The following PTPRF variants were observed in gnomAD, a reference collection of about 807,000 sequenced individuals.
PTPRF encodes the protein receptor-type tyrosine-protein phosphatase F.
In PTPRF, 59 loss-of-function variants were observed where a neutral mutation model predicts 201.8. The ratio of observed to expected loss-of-function variants is 0.29; its 90% CI spans 0.24 to 0.36. The LOEUF is 0.36. Ranked by LOEUF, PTPRF falls within the 10% of genes least tolerant of loss-of-function variation. The pLI is 1.00. For missense variants in PTPRF, 2,132 were observed against 2,690.5 expected, an observed-to-expected ratio of 0.79 and a Z score of 4.59; for synonymous variants, 1,088 against 1,089.7, an observed-to-expected ratio of 1.00 and a Z score of 0.03.
rs374873502 is a variant in PTPRF at position 43,605,334 on chromosome 1, C to A, written c.3280C>A (p.Arg1094Ser). The A allele has an allele frequency of 6.2e-7, 1 of 1,613,692 alleles. No homozygotes were observed. The highest frequency in any genetic ancestry group is 8.5e-7 in the Non-Finnish European group (1 of 1,179,970). ...AGGLQHLVSIRTAPDLLPHKP... is the reference protein window; with the variant it reads ...AGGLQHLVSISTAPDLLPHKP... ...GGGCCTGCAGCACCTGGTGTCCATC[C>A]GCACAGCCCCCGACCTCCTGCCTCA... The change falls in exon 18 of 34, where the codon CGC (arginine) becomes AGC (serine). Residue 1094 changes from arginine to serine, a missense_variant. Arg to Ser is a moderately radical substitution (Grantham distance 110). Transcript: ENST00000359947.
At chr1:43,584,661 G>C (rs1351303530) in intron 7 of PTPRF, among the ~76,000 whole-genome samples, 1 of 152,096 alleles carries the variant, frequency 6.6e-6, no homozygotes, top group Non-Finnish European at 1.5e-5. Flanking sequence ...CTGGTAATTT[G>C]TTTGGTGCTG....
At chr1:43,574,394 A>G (rs888296391) in intron 6 of PTPRF, among the ~76,000 whole-genome samples, 1 of 152,134 alleles carries the variant, frequency 6.6e-6, no homozygotes, top group Admixed American at 6.5e-5. Flanking sequence ...ATAAAAACCT[A>G]TTATATATTA....
intron 5 of PTPRF, among the ~76,000 whole-genome samples, chr1:43,566,135 C>T (rs903917532): frequency 6.6e-6 from 1 of 152,100 alleles, no homozygotes; most frequent in Non-Finnish European, 1.5e-5. Flanking sequence ...CCGGCCGAGG[C>T]GTGGTGTGGG....
At chr1:43,607,005 TGCCCCTC>T (rs764174223) in intron 21 of PTPRF, 37 bp downstream of exon 21, 1 of 1,606,488 alleles carries the variant, frequency 6.2e-7, no homozygotes, top group Non-Finnish European at 8.5e-7. Context: ...AACGGCCACC[TGCCCCTC>T]GCCTTTCAGG....
rs1028775294 is a variant in PTPRF at position 43,542,598 on chromosome 1, G to C, written c.-45-2433G>C. Among the ~76,000 whole-genome samples, 1 of 152,106 alleles carries C rather than the reference G, an allele frequency of 6.6e-6. No individual in the cohort carries two copies. Among genetic ancestry groups the C allele is most frequent in the African/African-American group, 2.4e-5 (1 of 41,396 alleles). On this transcript the variant is annotated intron_variant, in intron 2 of 33. Coordinates refer to ENST00000359947, the MANE Select transcript of PTPRF (RefSeq NM_002840.5). The surrounding 1 kb of genome is among the most constrained non-coding windows in gnomAD (Gnocchi z 5.2). ...TCTATTCTGGGAGTTTTACCCCCAT[G>C]ATGGCTCTCCTGGGAGCTCTGCCCC...
intron 2 of PTPRF, among the ~76,000 whole-genome samples, chr1:43,540,749 C>G (rs1570923914): frequency 6.6e-6 from 1 of 152,230 alleles, no homozygotes. Flanking sequence ...CTGTTCCTGG[C>G]TCTGCTCACG....
chr1:43,604,871 C>T (rs1265789431), intron 16 of PTPRF, 32 bp from the exon 17 acceptor site: 3 of 1,593,080 alleles, frequency 1.9e-6, no homozygotes, highest in East Asian at 2.2e-5. Flanking sequence ...CTCATATACC[C>T]AGCAGAGCTG....
chr1:43,530,145 A>G (rs1244265931), upstream of PTPRF, among the ~76,000 whole-genome samples: 1 of 151,992 alleles, frequency 6.6e-6, no homozygotes, highest in East Asian at 1.9e-4. This position sits in a 1 kb window ranked among gnomAD's most constrained non-coding sequence, Gnocchi z 4.1. Flanking sequence ...TCAGGTCAGT[A>G]TCTGTGTTTG....
At chr1:43,573,977 CTTTTTTTTTTTTTTTTTTTT>C (rs77543816) in intron 6 of PTPRF, among the ~76,000 whole-genome samples, 13 of 63,918 alleles carry the variant, frequency 2.0e-4, no homozygotes, top group African/African-American at 4.6e-4. Context: ...TGTGTGGGTT[CTTTTTTTTTTTTTTTTTTTT>C]TTTTTTTTTT....
chr1:43,590,875 G>C (rs1650498494), intron 8 of PTPRF, 97 bp from the exon 9 acceptor site: 1 of 1,170,126 alleles, frequency 8.5e-7, no homozygotes, highest in South Asian at 1.5e-5. Context: ...CCACACTCAG[G>C]TGACCCCACC....
In PTPRF at chr1:43,615,551, CT is replaced by C. The variant is rs68193223; in HGVS notation, c.4072-1864del. 3.0e-3 allele frequency among the ~76,000 whole-genome samples: 254 copies of C among 84,100 alleles called. 1 individual carries two copies. Among genetic ancestry groups the C allele is most frequent in the African/African-American group, 9.8e-3 (200 of 20,326 alleles). 55.2% of individuals were successfully genotyped at this position (84,100 alleles called of 152,430 possible). A position where few individuals can be genotyped will look rare whatever the true frequency, so the allele number is the denominator to read the frequency against. On this transcript the variant is annotated intron_variant, in intron 23 of 33. Coordinates refer to ENST00000359947, the MANE Select transcript of PTPRF (RefSeq NM_002840.5). ...AGCCAGGACCCCATAGCTCTGTTGT[CT>C]TTTTTTTTTTTTTTTTTTTTTTTTT...
intron 10 of PTPRF, 29 bp downstream of exon 10, chr1:43,591,977 G>A (rs1441144192): frequency 5.6e-6 from 9 of 1,610,994 alleles, no homozygotes; most frequent in Non-Finnish European, 7.6e-6. Flanking sequence ...AGCACTGAGG[G>A]GGTCTCCTGG....
chr1:43,597,163 C>T (rs898646131), intron 11 of PTPRF, among the ~76,000 whole-genome samples: 2 of 151,738 alleles, frequency 1.3e-5, no homozygotes, highest in Admixed American at 1.3e-4. Context: ...ATACGTGAGA[C>T]TGTGAGACAC....
intron 7 of PTPRF, chr1:43,579,145 C>T (rs1647141812): frequency 1.4e-6 from 1 of 700,978 alleles, no homozygotes; most frequent in Non-Finnish European, 2.7e-6. Context: ...GGGGAAGCAG[C>T]CACTCTTGGG....
intron 5 of PTPRF, among the ~76,000 whole-genome samples, chr1:43,569,074 C>T (rs1327679135): frequency 3.9e-5 from 6 of 152,128 alleles, no homozygotes; most frequent in Non-Finnish European, 8.8e-5. Context: ...AGAGACCAGG[C>T]GGTGACCTGG....
chr1:43,607,982 T>C (rs560908487), intron 21 of PTPRF, among the ~76,000 whole-genome samples: 21 of 152,380 alleles, frequency 1.4e-4, no homozygotes, highest in South Asian at 6.2e-4. Flanking sequence ...GATGAAGATA[T>C]GCTAGTCTGT....
chr1:43,552,014 C>G (rs1645067202), intron 3 of PTPRF, among the ~76,000 whole-genome samples: 1 of 152,094 alleles, frequency 6.6e-6, no homozygotes. Context: ...GACTCTGCCC[C>G]ATCTGCCGTC....
In PTPRF at chr1:43,591,440, C is replaced by T. The variant is rs1379466189; in HGVS notation, c.1418C>T (p.Thr473Met). ...CACAACACCGACGCGGGGCTCCTCA[C>T]GACCGTGGGCAGCCTGCTGCCTGGC... is the stretch of plus-strand genomic sequence containing the variant. ...HKHNTDAGLL[T>M]TVGSLLPGIT... Residue 473 changes from threonine to methionine, a missense_variant, in exon 9 of 34, where the codon ACG becomes ATG. Coordinates refer to ENST00000359947, the MANE Select transcript of PTPRF (RefSeq NM_002840.5). 4.4e-6 allele frequency: 7 copies of T among 1,589,862 alleles called. No individual in the cohort carries two copies. Among genetic ancestry groups the T allele is most frequent in the Non-Finnish European group, 6.0e-6 (7 of 1,170,554 alleles).
intron 5 of PTPRF, among the ~76,000 whole-genome samples, chr1:43,561,167 C>T (rs935608173): frequency 2.0e-5 from 3 of 152,166 alleles, no homozygotes; most frequent in African/African-American, 7.2e-5. Flanking sequence ...TTGGAAATAG[C>T]CCTAGAGACA....
Sources: gnomAD v4.1 joint callset for allele counts (sites outside exome capture counted in the v4.1 genomes callset) on GRCh38, gnomAD v4.1.1 for gene constraint, Gnocchi (gnomAD v3.1) non-coding constraint, MANE v1.5 for transcripts, NCBI Gene and HGNC (gene_info 2026-07-23, HGNC 2026-07-21) for gene names.